The following CCDC63 variants were observed in gnomAD, a reference collection of about 807,000 sequenced individuals.
CCDC63 encodes the protein coiled-coil domain containing 63, also known as coiled-coil domain-containing protein 63.
In CCDC63, 54 loss-of-function variants were observed where a neutral mutation model predicts 63.6. The observed-to-expected ratio is 0.85, with a 90% CI of 0.68 to 1.07. CCDC63 has a LOEUF of 1.07. Ranked by LOEUF, CCDC63 falls within the 50% of genes least tolerant of loss-of-function variation. The probability of loss-of-function intolerance (pLI) is 0.00; values close to 1 mark genes in which losing one functional copy is unlikely to be tolerated. For missense variants in CCDC63, 637 were observed against 689.6 expected (o/e 0.92, Z 0.86); for synonymous variants, 253 against 266.1 (o/e 0.95, Z 0.48).
intron 4 of CCDC63, among the ~76,000 whole-genome samples, chr12:110,860,094 T>C (rs139828009): frequency 5.3e-5 from 8 of 152,278 alleles, no homozygotes; most frequent in African/African-American, 1.9e-4. Flanking sequence ...TACAAGGGTG[T>C]GGGCATGAGC....
At chr12:110,867,138 C>T (rs1486602746) in intron 4 of CCDC63, among the ~76,000 whole-genome samples, 1 of 139,652 alleles carries the variant, frequency 7.2e-6, no homozygotes, top group African/African-American at 2.7e-5. Flanking sequence ...ACCCCCCCCA[C>T]CTCCCTCCCG....
rs763402541 is a variant in CCDC63 at position 110,893,193 on chromosome 12, G to T, written c.1149+43G>T. ...AGGGAGGGATGCGGGAGCTTCTGTT[G>T]TCTGTCTCTGTGTCTGACGGGAGCT... On this transcript the variant is annotated intron_variant, in intron 9 of 11. Coordinates refer to ENST00000308208, the MANE Select transcript of CCDC63 (RefSeq NM_152591.3). 10 of 1,506,374 alleles carry T rather than the reference G, an allele frequency of 6.6e-6. No homozygotes were observed. In the Admixed American group the frequency reaches 8.4e-5, roughly 13 times the overall value. The allele number at this position is 1,506,374 out of a possible 1,614,324, so 93.3% of individuals were successfully genotyped here.
chr12:110,863,101 C>T (rs59061758), intron 4 of CCDC63, among the ~76,000 whole-genome samples: 1,731 of 152,050 alleles, frequency 0.011, 38 homozygotes, highest in African/African-American at 0.04. Context: ...TGCACTGAGG[C>T]CCAGCTATTT....
intron 1 of CCDC63, among the ~76,000 whole-genome samples, chr12:110,850,369 A>G (rs570182841): frequency 1.3e-5 from 2 of 152,344 alleles, no homozygotes; most frequent in South Asian, 4.1e-4. Context: ...TCACACAACA[A>G]TGCCACATGG....
At chr12:110,852,257 G>A (rs990544661) in intron 1 of CCDC63, among the ~76,000 whole-genome samples, 5 of 152,040 alleles carry the variant, frequency 3.3e-5, no homozygotes, top group African/African-American at 4.8e-5. Flanking sequence ...ACACTGCCCC[G>A]ATGCCTTTTT....
Position 110,873,963 on chromosome 12 carries a change from T to C in CCDC63, c.489+2T>C. 6.2e-7 allele frequency: 1 copy of C among 1,610,274 alleles called. No individual in the cohort carries two copies. The highest frequency in any genetic ancestry group is 1.3e-5 in the African/African-American group (1 of 74,226). ...ATTTTGGAAACCCGTTTGAATCTCG[T>C]ATGTAAAGTGTTCTCTGCAGCTCTG... On this transcript the variant is annotated splice_donor_variant, in intron 5 of 11. Coordinates refer to ENST00000308208, the MANE Select transcript of CCDC63 (RefSeq NM_152591.3). LOFTEE classifies it high-confidence loss of function.
At chr12:110,857,097 G>A (rs1486136095) in intron 3 of CCDC63, among the ~76,000 whole-genome samples, 1 of 151,576 alleles carries the variant, frequency 6.6e-6, no homozygotes, top group Non-Finnish European at 1.5e-5. Context: ...GAGCCACTGC[G>A]CCAGGCCTGT....
chr12:110,880,011 C>T lies in CCDC63; in HGVS notation c.595C>T (p.Leu199Phe), dbSNP rs768210892. Reference protein sequence around the residue: ...KAAYDNVYQQLQHCLLMEKKT... With the variant: ...KAAYDNVYQQFQHCLLMEKKT... ...TGCTTATGACAATGTCTACCAGCAG[C>T]TCCAGCACTGCCTGTTGATGGAGAA... is the stretch of plus-strand genomic sequence containing the variant. Residue 199 changes from leucine (L) to phenylalanine (F), a missense_variant, in exon 6 of 12, where the codon CTC becomes TTC. Transcript: ENST00000308208. The T allele has an allele frequency of 2.8e-5, 46 of 1,614,080 alleles. No homozygotes were observed. Among genetic ancestry groups the T allele is most frequent in the Middle Eastern group, 3.3e-4 (2 of 6,084 alleles).
intron 1 of CCDC63, among the ~76,000 whole-genome samples, chr12:110,848,689 A>C (rs971252428): frequency 6.6e-6 from 1 of 152,196 alleles, no homozygotes; most frequent in Non-Finnish European, 1.5e-5. Context: ...TAACCACTTT[A>C]CAGACATTAT....
intron 4 of CCDC63, among the ~76,000 whole-genome samples, chr12:110,870,865 C>T (rs4766437): frequency 0.022 from 3,401 of 152,286 alleles, 77 homozygotes; most frequent in Non-Finnish European, 0.028. Flanking sequence ...GCCAGCTTCC[C>T]CCTTTCTAGA....
intron 4 of CCDC63, among the ~76,000 whole-genome samples, chr12:110,867,362 A>C (rs1346002519): frequency 1.0e-5 from 1 of 97,590 alleles, no homozygotes; most frequent in Non-Finnish European, 2.1e-5. Flanking sequence ...TGACCCCCCC[A>C]CCTCCCTCCC....
chr12:110,852,508 G>A lies in CCDC63; in HGVS notation c.-96-351G>A, dbSNP rs185665427. Among the ~76,000 whole-genome samples, 37 of 152,052 alleles carry A rather than the reference G, an allele frequency of 2.4e-4. No homozygotes were observed. In the East Asian group the frequency reaches 5.0e-3, roughly 21 times the overall value. On this transcript the variant is annotated intron_variant, in intron 1 of 11. Transcript: ENST00000308208. ...AACTCCTGACCTCAAGTGATCTACC[G>A]ACCTTGGCCTCCCAAAGTGCTGGGT...
intron 8 of CCDC63, among the ~76,000 whole-genome samples, chr12:110,890,097 A>G (rs1414410379): frequency 1.3e-5 from 2 of 152,098 alleles, no homozygotes; most frequent in African/African-American, 2.4e-5. Context: ...GTTTGAGACC[A>G]GCCTGGGCAA....
chr12:110,851,618 G>A (rs1402608843), intron 1 of CCDC63, among the ~76,000 whole-genome samples: 1 of 152,062 alleles, frequency 6.6e-6, no homozygotes, highest in Non-Finnish European at 1.5e-5. Context: ...TCAGCCCCCA[G>A]GAGTGCAGGA....
Position 110,881,212 on chromosome 12 carries a change from G to T in CCDC63, c.769G>T (p.Ala257Ser). 1 of 1,613,848 alleles carries T rather than the reference G, an allele frequency of 6.2e-7. No individual in the cohort carries two copies. Among genetic ancestry groups the T allele is most frequent in the Non-Finnish European group, 8.5e-7 (1 of 1,179,958 alleles). The change falls in exon 7 of 12, where the codon GCC (alanine) becomes TCC (serine). Residue 257 changes from alanine to serine, a missense_variant. Ala to Ser is a moderately conservative substitution (Grantham distance 99). Transcript: ENST00000308208. ...LEIRELERLYAHESKLKSFLL... is the reference protein window; with the variant it reads ...LEIRELERLYSHESKLKSFLL... ...GATCCGAGAGCTGGAGCGTCTCTATGCCCATGAGAGCAAGCTCAAGTCCTT... is the reference window on the plus strand; with the variant it reads ...GATCCGAGAGCTGGAGCGTCTCTATTCCCATGAGAGCAAGCTCAAGTCCTT...
intron 7 of CCDC63, 142 bp from the exon 8 acceptor site, chr12:110,883,888 C>T: frequency 1.4e-6 from 1 of 701,812 alleles, no homozygotes; most frequent in Admixed American, 2.2e-5. Context: ...GATCTGCCTG[C>T]CTCGGCTTCC....
At position 110,890,067 on chromosome 12, in the gene CCDC63, C is replaced by T. The variant is rs150397814; in HGVS notation, c.1075-3009C>T. Among the ~76,000 whole-genome samples, 23 of 151,946 alleles carry T rather than the reference C, an allele frequency of 1.5e-4. No homozygotes were observed. In the East Asian group the frequency reaches 3.9e-3, roughly 26 times the overall value. On this transcript the variant is annotated intron_variant, in intron 8 of 11. Coordinates refer to ENST00000308208, the MANE Select transcript of CCDC63 (RefSeq NM_152591.3). ...TAGCACTTTGGGAGGCCGAGGTGGG[C>T]GGATCACTTGAGCCCAGGAGTTTGA...
intron 9 of CCDC63, among the ~76,000 whole-genome samples, chr12:110,893,477 C>A (rs1415520583): frequency 6.6e-6 from 1 of 152,222 alleles, no homozygotes; most frequent in African/African-American, 2.4e-5. Context: ...GGATCTCTGC[C>A]TCTTTCCCTC....
intron 5 of CCDC63, among the ~76,000 whole-genome samples, chr12:110,877,368 A>C (rs112315583): frequency 6.6e-6 from 1 of 151,652 alleles, no homozygotes; most frequent in Non-Finnish European, 1.5e-5. Context: ...GTGCGCCACC[A>C]CACCCAGCTA....
Sources: allele counts gnomAD v4.1 joint callset (sites outside exome capture counted in the v4.1 genomes callset), GRCh38; gene constraint gnomAD v4.1.1; transcripts MANE v1.5; gene names NCBI Gene and HGNC (gene_info 2026-07-23, HGNC 2026-07-21).